Variants in TRIP4 observed in about 807,000 individuals in gnomAD.
The protein encoded by TRIP4 is activating signal cointegrator 1.
A neutral mutation model predicts 81.8 loss-of-function variants in TRIP4; 54 were observed. That is an observed-to-expected ratio of 0.66 (90% CI 0.53 to 0.83). The LOEUF is 0.83. Among genes scored for constraint, TRIP4 ranks in the 40% least tolerant of loss-of-function variants. The probability of loss-of-function intolerance (pLI) is 0.00; values close to 1 mark genes in which losing one functional copy is unlikely to be tolerated. For missense variants in TRIP4, 662 were observed against 683.6 expected, an observed-to-expected ratio of 0.97 and a Z score of 0.35; for synonymous variants, 270 against 242.8, an observed-to-expected ratio of 1.11 and a Z score of -1.04.
At chr15:64,441,979 C>T (rs776076090) in intron 11 of TRIP4, among the ~76,000 whole-genome samples, 58 of 151,712 alleles carry the variant, frequency 3.8e-4, no homozygotes, top group Non-Finnish European at 7.7e-4. Flanking sequence ...AAGGAAAAGG[C>T]AAGTGCAAAA....
intron 3 of TRIP4, among the ~76,000 whole-genome samples, chr15:64,396,874 AG>A (rs1230437902): frequency 6.6e-6 from 1 of 152,182 alleles, no homozygotes; most frequent in Non-Finnish European, 1.5e-5. Context: ...AGTGTATGAG[AG>A]GTCTAATTCT....
rs779893156 is a variant in TRIP4, at chr15:64,406,473, A to G, written c.827+14A>G. 6.2e-7 allele frequency: 1 copy of G among 1,610,342 alleles called. No homozygotes were observed. Among genetic ancestry groups the G allele is most frequent in the African/African-American group, 1.3e-5 (1 of 74,816 alleles). ...TGACAGAACTAGGTATGAAAGGGTT[A>G]GAATAACAAATGCTAAGAAATAAAC... On this transcript the variant is annotated intron_variant, in intron 6 of 12. Coordinates refer to ENST00000261884, the MANE Select transcript of TRIP4 (RefSeq NM_016213.5).
chr15:64,454,162 T>G (rs1338986880), intron 12 of TRIP4, among the ~76,000 whole-genome samples: 1 of 151,478 alleles, frequency 6.6e-6, no homozygotes, highest in Non-Finnish European at 1.5e-5. Flanking sequence ...GAGACTGAAC[T>G]GAATTATGTT....
intron 11 of TRIP4, among the ~76,000 whole-genome samples, chr15:64,433,567 G>T (rs1469111001): frequency 6.6e-6 from 1 of 152,114 alleles, no homozygotes; most frequent in African/African-American, 2.4e-5. Context: ...TCGCACCATT[G>T]CACTCCAGCC....
intron 11 of TRIP4, among the ~76,000 whole-genome samples, chr15:64,443,320 T>G (rs1892560035): frequency 6.6e-6 from 1 of 152,190 alleles, no homozygotes; most frequent in Non-Finnish European, 1.5e-5. Flanking sequence ...ACTATTGACA[T>G]GGAAGAAGGA....
At chr15:64,435,548 T>C (rs1481429554) in intron 11 of TRIP4, among the ~76,000 whole-genome samples, 1 of 150,080 alleles carries the variant, frequency 6.7e-6, no homozygotes, top group East Asian at 1.9e-4. Flanking sequence ...AAAAATATTA[T>C]TATTGCTTAG....
chr15:64,432,964 T>C (rs2140305983), intron 11 of TRIP4, among the ~76,000 whole-genome samples: 1 of 151,968 alleles, frequency 6.6e-6, no homozygotes, highest in Admixed American at 6.6e-5. Flanking sequence ...TGAGAGCCTA[T>C]TATAAATCAG....
At chr15:64,432,558 C>T (rs542624165) in intron 11 of TRIP4, among the ~76,000 whole-genome samples, 10 of 151,560 alleles carry the variant, frequency 6.6e-5, no homozygotes, top group South Asian at 2.1e-4. Flanking sequence ...TACGGTGAGC[C>T]GAGATTGCGC....
chr15:64,436,944 T>C (rs1216025354), intron 11 of TRIP4, among the ~76,000 whole-genome samples: 1 of 151,512 alleles, frequency 6.6e-6, no homozygotes, highest in Admixed American at 6.6e-5. Context: ...CCTGACCTCA[T>C]GATCTGCCTG....
intron 3 of TRIP4, among the ~76,000 whole-genome samples, chr15:64,397,220 C>T (rs78149217): frequency 0.043 from 6,484 of 152,072 alleles, 457 homozygotes; most frequent in African/African-American, 0.15. Context: ...TTTATTTTTC[C>T]TATTTTATTG....
chr15:64,446,140 G>C (rs1198393050), intron 12 of TRIP4, among the ~76,000 whole-genome samples: 1 of 151,812 alleles, frequency 6.6e-6, no homozygotes, highest in African/African-American at 2.4e-5. Context: ...AGGGCATGGT[G>C]GTGGGCACCT....
intron 5 of TRIP4, among the ~76,000 whole-genome samples, chr15:64,402,658 G>T (rs1891537426): frequency 6.6e-6 from 1 of 151,512 alleles, no homozygotes; most frequent in African/African-American, 2.4e-5. Context: ...CAAGTAGCTG[G>T]GATTACAAGC....
intron 11 of TRIP4, among the ~76,000 whole-genome samples, chr15:64,431,877 C>CTTTTTT (rs1199638489): frequency 2.7e-4 from 14 of 52,506 alleles, no homozygotes; most frequent in Admixed American, 7.8e-4. Context: ...ATTGTGTTTT[C>CTTTTTT]TTTTTTTTTT....
chr15:64,432,365 C>A (rs1051568215), intron 11 of TRIP4, among the ~76,000 whole-genome samples: 5 of 151,970 alleles, frequency 3.3e-5, no homozygotes, highest in Non-Finnish European at 2.9e-5. Context: ...TGTAATCCCA[C>A]CGCTTTGGGA....
At chr15:64,422,701 G>T (rs1421078095) in intron 9 of TRIP4, among the ~76,000 whole-genome samples, 1 of 152,132 alleles carries the variant, frequency 6.6e-6, no homozygotes, top group Non-Finnish European at 1.5e-5. Context: ...CATCCTATTT[G>T]GATCTGTTAT....
At chr15:64,442,297 C>T (rs1042745468) in intron 11 of TRIP4, among the ~76,000 whole-genome samples, 1 of 152,018 alleles carries the variant, frequency 6.6e-6, no homozygotes, top group African/African-American at 2.4e-5. Context: ...TGCAGAAGCC[C>T]AGGGAGACAT....
At chr15:64,445,456 C>T (rs1201071384) in intron 12 of TRIP4, among the ~76,000 whole-genome samples, 3 of 144,390 alleles carry the variant, frequency 2.1e-5, no homozygotes, top group Non-Finnish European at 3.0e-5. Context: ...GAAACCCCCC[C>T]GTCTCTACTA....
At position 64,394,005 on chromosome 15, in the gene TRIP4, A is replaced by G; in HGVS notation, c.161A>G (p.Gln54Arg). ...CGAGAATATGTTACTGATCTCCTCC[A>G]GGGAAATGAAGGCAAAAAAGGTCAA... ...EIREYVTDLL[Q>R]GNEGKKGQFI... is the part of the protein sequence containing the mutation. Residue 54 changes from glutamine to arginine, a missense_variant, in exon 2 of 13, where the codon CAG (glutamine) becomes CGG (arginine). Physicochemically the swap from Gln to Arg is conservative, Grantham distance 43 (BLOSUM62 1). Coordinates refer to ENST00000261884, the MANE Select transcript of TRIP4 (RefSeq NM_016213.5). The G allele has an allele frequency of 6.2e-7, 1 of 1,611,468 alleles. No homozygotes were observed. Among genetic ancestry groups the G allele is most frequent in the South Asian group, 1.1e-5 (1 of 90,578 alleles).
At chr15:64,448,896 G>T (rs1405929616) in intron 12 of TRIP4, among the ~76,000 whole-genome samples, 3 of 152,014 alleles carry the variant, frequency 2.0e-5, no homozygotes, top group Non-Finnish European at 2.9e-5. Flanking sequence ...TACATGAAGT[G>T]ATTAAGTTTA....
Sources: allele counts gnomAD v4.1 joint callset (sites outside exome capture counted in the v4.1 genomes callset), GRCh38; gene constraint gnomAD v4.1.1; transcripts MANE v1.5; gene names NCBI Gene and HGNC (gene_info 2026-07-23, HGNC 2026-07-21).